GATB: variants seen among roughly 807,000 people sequenced by gnomAD.
GATB encodes the protein glutamyl-tRNA amidotransferase subunit B.
Under a neutral mutation model 62.3 loss-of-function variants are expected in GATB, and 39 were observed. That is an observed-to-expected ratio of 0.63 (90% CI 0.48 to 0.82). GATB has a LOEUF of 0.82. GATB is among the 40% of genes least tolerant of loss of function. GATB has a pLI of 0.00. For synonymous variants in GATB, 276 were observed against 258.9 expected, an observed-to-expected ratio of 1.07 and a Z score of -0.63; for missense variants, 670 against 684.0, an observed-to-expected ratio of 0.98 and a Z score of 0.23.
intron 9 of GATB, among the ~76,000 whole-genome samples, chr4:151,698,930 C>T (rs527388610): frequency 1.3e-5 from 2 of 151,522 alleles, no homozygotes; most frequent in Admixed American, 1.3e-4. Flanking sequence ...GGCCCTGATC[C>T]TACATTATCC....
Position 151,697,965 on chromosome 4 carries a change from A to ATATATATATATATATATGTG in GATB, c.1197+3363_1197+3364insCACATATATATATATATATA, listed in dbSNP as rs1560847742. ...TGTGTGTGTGTGTGTATATATATAT[A>ATATATATATATATATATGTG]TATATATATATATATATATATATAT... is the stretch of plus-strand genomic sequence containing the variant. On this transcript the variant is annotated intron_variant, in intron 9 of 12. Coordinates refer to ENST00000263985, the MANE Select transcript of GATB (RefSeq NM_004564.3). Among the ~76,000 whole-genome samples the ATATATATATATATATATGTG allele has an allele frequency of 2.1e-3, 229 of 108,984 alleles. 3 individuals carry two copies. The highest frequency in any genetic ancestry group is 5.6e-3 in the African/African-American group (112 of 20,088). The allele number at this position is 108,984 out of a possible 152,430, so 71.5% of individuals were successfully genotyped here.
chr4:151,690,362 G>A (rs1448466567), intron 9 of GATB, among the ~76,000 whole-genome samples: 2 of 152,246 alleles, frequency 1.3e-5, no homozygotes, highest in Non-Finnish European at 2.9e-5. Flanking sequence ...CTAAACCAGG[G>A]CAGAGGCCAC....
intron 5 of GATB, among the ~76,000 whole-genome samples, chr4:151,715,622 AC>A (rs1738897424): frequency 6.6e-6 from 1 of 152,248 alleles, no homozygotes; most frequent in Admixed American, 6.5e-5. Context: ...AAGGAAAGAA[AC>A]AGACCCAAAG....
At chr4:151,681,619 CA>C (rs1380070882) in intron 10 of GATB, among the ~76,000 whole-genome samples, 2 of 152,128 alleles carry the variant, frequency 1.3e-5, no homozygotes, top group Non-Finnish European at 1.5e-5. Context: ...CTTGAGCGTG[CA>C]AAAGATAAGG....
At chr4:151,685,549 T>C (rs1265618036) in intron 10 of GATB, among the ~76,000 whole-genome samples, 1 of 152,174 alleles carries the variant, frequency 6.6e-6, no homozygotes, top group African/African-American at 2.4e-5. Context: ...TTCCCAATCA[T>C]TCCAGTTCTT....
intron 11 of GATB, among the ~76,000 whole-genome samples, chr4:151,676,875 G>A (rs1738017967): frequency 6.6e-6 from 1 of 152,172 alleles, no homozygotes; most frequent in Non-Finnish European, 1.5e-5. Context: ...TGGGAGGAGG[G>A]TGCAGTGAAA....
At chr4:151,744,197 C>A (rs1298586265) in intron 2 of GATB, among the ~76,000 whole-genome samples, 1 of 152,158 alleles carries the variant, frequency 6.6e-6, no homozygotes, top group African/African-American at 2.4e-5. Flanking sequence ...TAAAAAATAG[C>A]TAAAGGGTTT....
At chr4:151,736,008 A>G (rs937240868) in intron 2 of GATB, among the ~76,000 whole-genome samples, 1 of 151,988 alleles carries the variant, frequency 6.6e-6, no homozygotes, top group African/African-American at 2.4e-5. Flanking sequence ...TTGTACCCCA[A>G]TAACTAATGG....
intron 4 of GATB, 75 bp from the exon 5 acceptor site, chr4:151,716,206 A>C (rs934197533): frequency 2.6e-6 from 4 of 1,529,284 alleles, no homozygotes; most frequent in African/African-American, 1.4e-5. Flanking sequence ...CCTAAGTTTC[A>C]GGAAAACCCT....
At chr4:151,757,670 G>A (rs537847127) in intron 2 of GATB, among the ~76,000 whole-genome samples, 1 of 151,984 alleles carries the variant, frequency 6.6e-6, no homozygotes, top group East Asian at 1.9e-4. Context: ...GTAGAGATGG[G>A]GTTTCACCGT....
chr4:151,704,980 G>A (rs1050142535), intron 7 of GATB, among the ~76,000 whole-genome samples: 9 of 151,722 alleles, frequency 5.9e-5, no homozygotes, highest in South Asian at 4.2e-4. Context: ...TCGATCTCCC[G>A]ACCTCGTGAT....
intron 5 of GATB, among the ~76,000 whole-genome samples, chr4:151,710,682 T>C (rs1475181923): frequency 2.0e-5 from 3 of 152,238 alleles, no homozygotes; most frequent in Non-Finnish European, 4.4e-5. Context: ...ATTATCTTCC[T>C]AGCTCAGCTT....
chr4:151,696,902 T>G lies in GATB; in HGVS notation c.1197+4427A>C, dbSNP rs1263097743. Among the ~76,000 whole-genome samples, 7 of 152,356 alleles carry G rather than the reference T, an allele frequency of 4.6e-5. No individual in the cohort carries two copies. The South Asian group carries it at 6.2e-4, about 14-fold the overall frequency. On this transcript the variant is annotated intron_variant, in intron 9 of 12. Coordinates refer to ENST00000263985, the MANE Select transcript of GATB (RefSeq NM_004564.3). ...CTGATATACTGACTCAGAGAAAAAC[T>G]TGTTATGCTATTAGAATCTCTCGTT...
In GATB at chr4:151,674,676, A is replaced by G. The variant is rs913939097; in HGVS notation, c.1411-1780T>C. ...TTTAGCACAGAAGTACTTTCTTAAT[A>G]AAAAGATCTAGCTAGTATCCATCAG... On this transcript the variant is annotated intron_variant, in intron 11 of 12. Coordinates refer to ENST00000263985, the MANE Select transcript of GATB (RefSeq NM_004564.3). 3 of 152,364 alleles carry G rather than the reference A, an allele frequency of 2.0e-5. No individual in the cohort carries two copies. In the East Asian group the frequency reaches 5.8e-4, roughly 29 times the overall value. 9.4% of individuals were successfully genotyped at this position (152,364 alleles called of 1,614,324 possible).
chr4:151,674,962 C>T (rs1737965233), intron 11 of GATB: 1 of 152,248 alleles, frequency 6.6e-6, no homozygotes, highest in Admixed American at 6.5e-5. Context: ...GGAGCGATTT[C>T]TCAGCGCCTG....
intron 2 of GATB, among the ~76,000 whole-genome samples, chr4:151,735,405 T>C (rs112805739): frequency 0.013 from 2,020 of 152,138 alleles, 40 homozygotes; most frequent in African/African-American, 0.046. Context: ...CACCTTACTC[T>C]TGCAAGAAGG....
chr4:151,719,643 G>A lies in GATB; in HGVS notation c.328-105C>T, dbSNP rs1022144784. 7 of 675,812 alleles carry A rather than the reference G, an allele frequency of 1.0e-5. No homozygotes were observed. The Admixed American group carries it at 1.6e-4, about 16-fold the overall frequency. 41.9% of individuals were successfully genotyped at this position (675,812 alleles called of 1,614,324 possible). On this transcript the variant is annotated intron_variant, in intron 2 of 12. Coordinates refer to ENST00000263985, the MANE Select transcript of GATB (RefSeq NM_004564.3). ...AATATGCAACTTGGCCCTTCAACAGGCATTATCTCTGGTTCTCTGGGTGGG... is the reference window on the plus strand; with the variant it reads ...AATATGCAACTTGGCCCTTCAACAGACATTATCTCTGGTTCTCTGGGTGGG...
intron 2 of GATB, among the ~76,000 whole-genome samples, chr4:151,747,184 T>A (rs909290907): frequency 6.6e-6 from 1 of 152,180 alleles, no homozygotes. Flanking sequence ...ACTGGGCTGA[T>A]GAGACATCAG....
At chr4:151,741,150 T>G (rs1578935721) in intron 2 of GATB, among the ~76,000 whole-genome samples, 1 of 152,156 alleles carries the variant, frequency 6.6e-6, no homozygotes, top group South Asian at 2.1e-4. Flanking sequence ...TCCATAGGTA[T>G]GTATGATGAA....
Sources: allele counts gnomAD v4.1 joint callset (sites outside exome capture counted in the v4.1 genomes callset), GRCh38; gene constraint gnomAD v4.1.1; transcripts MANE v1.5; gene names NCBI Gene and HGNC (gene_info 2026-07-23, HGNC 2026-07-21).